The following ZCCHC9 variants were observed in gnomAD, a reference collection of about 807,000 sequenced individuals.
ZCCHC9 encodes the protein zinc finger CCHC domain-containing protein 9.
ZCCHC9 carries 18 observed loss-of-function variants against 30.8 expected under a neutral mutation model. That is an observed-to-expected ratio of 0.58 (90% CI 0.40 to 0.87). The LOEUF (loss-of-function observed/expected upper bound fraction) is 0.87, where lower values mean the gene tolerates loss of function less well. Ranked by LOEUF, ZCCHC9 falls within the 40% of genes least tolerant of loss-of-function variation. The probability of loss-of-function intolerance (pLI) is 0.00; values close to 1 mark genes in which losing one functional copy is unlikely to be tolerated. For synonymous variants in ZCCHC9, 94 were observed against 106.7 expected (o/e 0.88, Z 0.73); for missense variants, 279 against 331.2 (o/e 0.84, Z 1.22).
intron 1 of ZCCHC9, chr5:81,303,007 T>C (rs1282794653): frequency 6.6e-6 from 1 of 151,712 alleles, no homozygotes. Flanking sequence ...TTTTTTTTTT[T>C]TTTTTGAGAC....
At position 81,312,564 on chromosome 5, in the gene ZCCHC9, C is replaced by T. The variant is rs139056133; in HGVS notation, c.718C>T (p.Arg240Cys). The change falls in exon 6 of 6, where the codon CGC becomes TGC. Residue 240 changes from arginine to cysteine, a missense_variant. Transcript: ENST00000407610. ...QNSERMVTVG[R>C]WAKGMSADYE... ...TACAGAGCGAATGGTCACAGTTGGT[C>T]GCTGGGCAAAGGGAATGAGTGCAGA... is the stretch of plus-strand genomic sequence containing the variant. 5.0e-6 allele frequency: 8 copies of T among 1,613,428 alleles called. No individual in the cohort carries two copies. The highest frequency in any genetic ancestry group is 1.7e-5 in the Admixed American group (1 of 59,930).
chr5:81,307,370 G>A (rs964357141), intron 2 of ZCCHC9, among the ~76,000 whole-genome samples: 1 of 152,176 alleles, frequency 6.6e-6, no homozygotes, highest in South Asian at 2.1e-4. Context: ...GAATATTAAA[G>A]AATGTGTATG....
At chr5:81,307,042 G>A (rs1396487949) in intron 2 of ZCCHC9, among the ~76,000 whole-genome samples, 1 of 152,050 alleles carries the variant, frequency 6.6e-6, no homozygotes, top group African/African-American at 2.4e-5. Context: ...AAGGACAGTT[G>A]CAAAATAAAT....
intron 5 of ZCCHC9, among the ~76,000 whole-genome samples, chr5:81,311,637 C>T (rs545069852): frequency 8.5e-5 from 13 of 152,240 alleles, no homozygotes; most frequent in South Asian, 6.2e-4. Flanking sequence ...CTTTCAATAG[C>T]CTTAATATTG....
rs897084905 is a variant in ZCCHC9 at position 81,313,184 on chromosome 5, C to T, written c.*522C>T. ...ATAATTTTTCTGAATACTTGATTCT[C>T]GATTGAAATATCCATTGTTCGTTAA... is the stretch of plus-strand genomic sequence containing the variant. On this transcript the variant is annotated 3_prime_UTR_variant, in exon 6 of 6. Coordinates refer to ENST00000407610, the MANE Select transcript of ZCCHC9 (RefSeq NM_001131035.2). The T allele has an allele frequency of 1.3e-5, 2 of 152,120 alleles. No homozygotes were observed. Among genetic ancestry groups the T allele is most frequent in the African/African-American group, 2.4e-5 (1 of 41,402 alleles). The allele number at this position is 152,120 out of a possible 1,614,324, so 9.4% of individuals were successfully genotyped here.
Position 81,312,639 on chromosome 5 carries a change from A to T in ZCCHC9, c.793A>T (p.Ile265Leu). ...VPKPQKPKTK[I>L]PKVVNF is the part of the protein sequence containing the mutation. ...TAAACCGCAAAAACCCAAAACAAAA[A>T]TACCTAAAGTTGTTAATTTTTGATA... is the stretch of plus-strand genomic sequence containing the variant. Residue 265 changes from isoleucine (I) to leucine (L), a missense_variant, in exon 6 of 6, where the codon ATA becomes TTA. Coordinates refer to ENST00000407610, the MANE Select transcript of ZCCHC9 (RefSeq NM_001131035.2). 6.2e-7 allele frequency: 1 copy of T among 1,613,608 alleles called. No homozygotes were observed. The highest frequency in any genetic ancestry group is 1.6e-4 in the Middle Eastern group (1 of 6,062).
At chr5:81,312,089 G>T (rs770162333) in intron 5 of ZCCHC9, among the ~76,000 whole-genome samples, 3 of 152,324 alleles carry the variant, frequency 2.0e-5, no homozygotes, top group Non-Finnish European at 4.4e-5. Flanking sequence ...TAGGCAGTGA[G>T]ATTGAAATGA....
Position 81,312,702 on chromosome 5 carries a change from C to A in ZCCHC9, c.*40C>A. The A allele has an allele frequency of 6.9e-7, 1 of 1,454,068 alleles. No homozygotes were observed. Among genetic ancestry groups the A allele is most frequent in the Non-Finnish European group, 9.6e-7 (1 of 1,038,680 alleles). The allele number at this position is 1,454,068 out of a possible 1,614,324, so 90.1% of individuals were successfully genotyped here. A position where few individuals can be genotyped will look rare whatever the true frequency, so the allele number is the denominator to read the frequency against. ...ATCATGAGTTACTACCTCATTGTTA[C>A]TTTCTAAACCAGGCCCGCTTCACGA... On this transcript the variant is annotated 3_prime_UTR_variant, in exon 6 of 6. Coordinates refer to ENST00000407610, the MANE Select transcript of ZCCHC9 (RefSeq NM_001131035.2).
At chr5:81,312,471 A>C in intron 5 of ZCCHC9, 73 bp from the exon 6 acceptor site, 2 of 1,228,024 alleles carry the variant, frequency 1.6e-6, no homozygotes, top group Non-Finnish European at 2.3e-6. Flanking sequence ...TCCTTTCCCA[A>C]ACCAATAACA....
Position 81,304,766 on chromosome 5 carries a change from G to A in ZCCHC9, c.9G>A (p.Arg3=). The stretch of plus-strand genomic sequence containing the variant: ...GTACCACTGATGAAATTATGACCAG[G>A]TGGGCCCGAGTTAGTACCACATATA... MT[R]WARVSTTYNK... Residue 3 remains arginine, a synonymous_variant, in exon 2 of 6, where the codon AGG becomes AGA. Transcript: ENST00000407610. 3 of 1,576,540 alleles carry A rather than the reference G, an allele frequency of 1.9e-6. No homozygotes were observed. The highest frequency in any genetic ancestry group is 1.7e-6 in the Non-Finnish European group (2 of 1,163,882).
At chr5:81,306,913 C>A (rs1158492188) in intron 2 of ZCCHC9, among the ~76,000 whole-genome samples, 2 of 152,068 alleles carry the variant, frequency 1.3e-5, no homozygotes, top group African/African-American at 2.4e-5. Flanking sequence ...AGTAGCTTTT[C>A]CTGCATTTGT....
In ZCCHC9 at chr5:81,312,614, T is replaced by C. The variant is rs1365567689; in HGVS notation, c.768T>C (p.Pro256=). 1 of 1,613,858 alleles carries C rather than the reference T, an allele frequency of 6.2e-7. No homozygotes were observed. The highest frequency in any genetic ancestry group is 1.3e-5 in the African/African-American group (1 of 74,932). ...ACTATGAAGAAATTTTGGATGTACC[T>C]AAACCGCAAAAACCCAAAACAAAAA... ...SADYEEILDV[P]KPQKPKTKIP... Residue 256 remains proline, a synonymous_variant, in exon 6 of 6, where the codon CCT becomes CCC. Coordinates refer to ENST00000407610, the MANE Select transcript of ZCCHC9 (RefSeq NM_001131035.2).
At chr5:81,303,123 G>C (rs1285391789) in intron 1 of ZCCHC9, 1 of 151,804 alleles carries the variant, frequency 6.6e-6, no homozygotes, top group African/African-American at 2.4e-5. Context: ...TCCACCTCTT[G>C]AGTTCAAGCG....
rs377123338 is a variant in ZCCHC9, at chr5:81,311,168, T to C, written c.629-43T>C. 1.4e-5 allele frequency: 22 copies of C among 1,609,184 alleles called. No individual in the cohort carries two copies. In the Admixed American group the frequency reaches 3.0e-4, roughly 22 times the overall value. Reference sequence around the variant, plus strand: ...GTGCTTTGAGATGTTAAAAACCCCTTGCAAGTATGAGATGGTATTCAGTGG... The same window carrying C: ...GTGCTTTGAGATGTTAAAAACCCCTCGCAAGTATGAGATGGTATTCAGTGG... On this transcript the variant is annotated intron_variant, in intron 4 of 5. Coordinates refer to ENST00000407610, the MANE Select transcript of ZCCHC9 (RefSeq NM_001131035.2).
intron 2 of ZCCHC9, 83 bp downstream of exon 2, chr5:81,305,224 A>C: frequency 6.7e-7 from 1 of 1,486,996 alleles, no homozygotes; most frequent in South Asian, 1.4e-5. Context: ...TACCTTAGCC[A>C]GCTCTGGTTA....
At chr5:81,308,189 AG>A (rs1175877442) in intron 2 of ZCCHC9, among the ~76,000 whole-genome samples, 1 of 152,036 alleles carries the variant, frequency 6.6e-6, no homozygotes, top group African/African-American at 2.4e-5. Context: ...TTTGAGTGAC[AG>A]TTTTTATAGC....
In ZCCHC9 at chr5:81,310,459, TAA is replaced by T. The variant is rs1320693940; in HGVS notation, c.629-750_629-749del. 3.9e-5 allele frequency among the ~76,000 whole-genome samples: 6 copies of T among 151,972 alleles called. No homozygotes were observed. In the Middle Eastern group the frequency reaches 0.017, roughly 431 times the overall value. Reference sequence around the variant, plus strand: ...CACATTTGCATTTTTATGTTAAAAATAAAGTCAAGATTTGGGGGAAAAAAAAA... The same window carrying T: ...CACATTTGCATTTTTATGTTAAAAATAGTCAAGATTTGGGGGAAAAAAAAA... On this transcript the variant is annotated intron_variant, in intron 4 of 5. Transcript: ENST00000407610.
intron 2 of ZCCHC9, among the ~76,000 whole-genome samples, chr5:81,308,174 C>A (rs1410503391): frequency 3.3e-5 from 5 of 151,802 alleles, no homozygotes; most frequent in African/African-American, 9.7e-5. Flanking sequence ...TATACAAATA[C>A]AAATTTTGAG....
In ZCCHC9 at chr5:81,312,740, C is replaced by A; in HGVS notation, c.*78C>A. ...GCCCGCTTCACGAGTTAGAGTTGAGCTCCCCTGTAGCCAGGACTATGCTGT... is the reference window on the plus strand; with the variant it reads ...GCCCGCTTCACGAGTTAGAGTTGAGATCCCCTGTAGCCAGGACTATGCTGT... On this transcript the variant is annotated 3_prime_UTR_variant, in exon 6 of 6. Transcript: ENST00000407610. 9.4e-7 allele frequency: 1 copy of A among 1,066,706 alleles called. No homozygotes were observed. Among genetic ancestry groups the A allele is most frequent in the Non-Finnish European group, 1.4e-6 (1 of 698,204 alleles). The allele number at this position is 1,066,706 out of a possible 1,614,324, so 66.1% of individuals were successfully genotyped here. A position where few individuals can be genotyped will look rare whatever the true frequency, so the allele number is the denominator to read the frequency against.
Sources: gnomAD v4.1 joint callset for allele counts (sites outside exome capture counted in the v4.1 genomes callset) on GRCh38, gnomAD v4.1.1 for gene constraint, MANE v1.5 for transcripts, NCBI Gene and HGNC (gene_info 2026-07-23, HGNC 2026-07-21) for gene names.